MALRD1: variants seen among roughly 807,000 people sequenced by gnomAD.
The protein encoded by MALRD1 is MAM and LDL-receptor class A domain-containing protein 1.
A neutral mutation model predicts 242.1 loss-of-function variants in MALRD1; 247 were observed. The ratio of observed to expected loss-of-function variants is 1.02; its 90% CI spans 0.92 to 1.13. The LOEUF (loss-of-function observed/expected upper bound fraction) is 1.13. Among genes scored for constraint, MALRD1 ranks in the 50% most tolerant of loss-of-function variants. The pLI is 0.00. For missense variants in MALRD1, 2,989 were observed against 2,533.1 expected, an observed-to-expected ratio of 1.18 and a Z score of -3.86; for synonymous variants, 995 against 866.6, an observed-to-expected ratio of 1.15 and a Z score of -2.60.
At chr10:19,604,652 A>G (rs1053162415) in intron 34 of MALRD1, among the ~76,000 whole-genome samples, 19 of 152,162 alleles carry the variant, frequency 1.2e-4, no homozygotes, top group African/African-American at 4.6e-4. Flanking sequence ...TTTCAGTGTC[A>G]ATGAAAGAGC....
At chr10:19,204,654 A>C (rs1469102308) in intron 16 of MALRD1, among the ~76,000 whole-genome samples, 1 of 152,172 alleles carries the variant, frequency 6.6e-6, no homozygotes, top group East Asian at 1.9e-4. Context: ...TAATTTAATT[A>C]AGATTTCTTC....
At chr10:19,604,058 G>A (rs1299921860) in intron 34 of MALRD1, among the ~76,000 whole-genome samples, 2 of 152,126 alleles carry the variant, frequency 1.3e-5, no homozygotes, top group African/African-American at 2.4e-5. Context: ...TAAATCAAAA[G>A]CTAGAAATGA....
chr10:19,567,810 C>A, intron 33 of MALRD1, 107 bp downstream of exon 33: 1 of 967,488 alleles, frequency 1.0e-6, no homozygotes, highest in Non-Finnish European at 1.5e-6. Context: ...GGGTCCAGTT[C>A]TATTTACACA....
At chr10:19,435,183 G>T (rs541620529) in intron 28 of MALRD1, among the ~76,000 whole-genome samples, 31 of 151,000 alleles carry the variant, frequency 2.1e-4, no homozygotes, top group Admixed American at 1.8e-3. Context: ...GAGCAGCTTT[G>T]CAGCTTTTAC....
At chr10:19,443,512 T>C (rs1834787206) in intron 28 of MALRD1, among the ~76,000 whole-genome samples, 1 of 152,226 alleles carries the variant, frequency 6.6e-6, no homozygotes, top group African/African-American at 2.4e-5. Flanking sequence ...GAGATTCTGC[T>C]ATGTGTTGTC....
At chr10:19,210,606 T>C (rs1220919602) in intron 18 of MALRD1, among the ~76,000 whole-genome samples, 3 of 152,236 alleles carry the variant, frequency 2.0e-5, no homozygotes, top group Non-Finnish European at 4.4e-5. Flanking sequence ...TCAACTTCTT[T>C]AGTTACCCAA....
chr10:19,502,575 G>C (rs893864415), intron 31 of MALRD1, among the ~76,000 whole-genome samples: 1 of 152,016 alleles, frequency 6.6e-6, no homozygotes, highest in African/African-American at 2.4e-5. Flanking sequence ...CATTTAGATG[G>C]AACTTTTTTA....
At chr10:19,206,306 C>G (rs538467321) in intron 17 of MALRD1, among the ~76,000 whole-genome samples, 1 of 152,116 alleles carries the variant, frequency 6.6e-6, no homozygotes, top group South Asian at 2.1e-4. Context: ...AAAGTCAGGC[C>G]TATTAAACTC....
chr10:19,526,671 C>A (rs1203234721), intron 31 of MALRD1, among the ~76,000 whole-genome samples: 1 of 152,008 alleles, frequency 6.6e-6, no homozygotes, highest in Non-Finnish European at 1.5e-5. Flanking sequence ...AGCCCAGAGT[C>A]CCTTAATTAA....
At chr10:19,611,933 G>C (rs1479778063) in intron 35 of MALRD1, among the ~76,000 whole-genome samples, 1 of 151,904 alleles carries the variant, frequency 6.6e-6, no homozygotes, top group African/African-American at 2.4e-5. Context: ...CTCCACTATA[G>C]AGCATAAAAA....
chr10:19,592,728 GACACACACACACACAC>G (rs71949886), intron 33 of MALRD1, among the ~76,000 whole-genome samples: 1 of 123,828 alleles, frequency 8.1e-6, no homozygotes, highest in Non-Finnish European at 1.8e-5. Flanking sequence ...AAAATATAAA[GACACACACACACACAC>G]ACACACACAC....
At chr10:19,500,241 G>T (rs1837909682) in intron 31 of MALRD1, among the ~76,000 whole-genome samples, 1 of 152,082 alleles carries the variant, frequency 6.6e-6, no homozygotes, top group Admixed American at 6.5e-5. Flanking sequence ...CTTTTGACTT[G>T]CCACGTTGTA....
At chr10:19,389,699 G>GT (rs1846255141) in intron 28 of MALRD1, 90 bp downstream of exon 28, 1 of 1,346,148 alleles carries the variant, frequency 7.4e-7, no homozygotes, top group Admixed American at 2.5e-5. Context: ...CAGTGCAGTG[G>GT]TGCAGTCATG....
chr10:19,661,494 A>G (rs1043367493), intron 36 of MALRD1, among the ~76,000 whole-genome samples: 2 of 152,320 alleles, frequency 1.3e-5, no homozygotes, highest in East Asian at 3.9e-4. Flanking sequence ...AGGGACATGG[A>G]TGAAGCTGGA....
chr10:19,364,460 T>C (rs1247995507), intron 26 of MALRD1, among the ~76,000 whole-genome samples: 1 of 152,142 alleles, frequency 6.6e-6, no homozygotes, highest in Non-Finnish European at 1.5e-5. Context: ...CTAAGTAATA[T>C]ATGTGTTTGT....
Position 19,356,853 on chromosome 10 carries a change from A to G in MALRD1, c.4441+4556A>G, listed in dbSNP as rs189493547. On this transcript the variant is annotated intron_variant, in intron 26 of 39. Coordinates refer to ENST00000454679, the MANE Select transcript of MALRD1 (RefSeq NM_001142308.3). The stretch of plus-strand genomic sequence containing the variant: ...GCCAGGCACGGTGGCTCACACCTGT[A>G]ATCCCAGCACTTTGGGAGCCTGAGG... Among the ~76,000 whole-genome samples the G allele has an allele frequency of 1.8e-3, 274 of 152,260 alleles. 3 individuals are homozygous for G. Among genetic ancestry groups the G allele is most frequent in the Non-Finnish European group, 3.2e-3 (215 of 68,006 alleles).
chr10:19,281,305 TC>T (rs1383494904), intron 20 of MALRD1, among the ~76,000 whole-genome samples: 15 of 152,166 alleles, frequency 9.9e-5, no homozygotes, highest in Non-Finnish European at 1.9e-4. Flanking sequence ...GGCATTCGAA[TC>T]CCCTTATGAT....
chr10:19,588,508 G>A (rs936421031), intron 33 of MALRD1, among the ~76,000 whole-genome samples: 5 of 152,188 alleles, frequency 3.3e-5, no homozygotes, highest in Admixed American at 1.3e-4. Context: ...TGAAGTTGCT[G>A]TTGTAGTGAT....
chr10:19,718,545 C>T (rs1018178677), intron 38 of MALRD1, among the ~76,000 whole-genome samples: 2 of 152,170 alleles, frequency 1.3e-5, no homozygotes, highest in Non-Finnish European at 2.9e-5. Flanking sequence ...GGGGATCTGC[C>T]CCCATGATCC....
Sources: gnomAD v4.1 joint callset for allele counts (sites outside exome capture counted in the v4.1 genomes callset) on GRCh38, gnomAD v4.1.1 for gene constraint, MANE v1.5 for transcripts, NCBI Gene and HGNC (gene_info 2026-07-23, HGNC 2026-07-21) for gene names.